TMCO4: variants seen among roughly 807,000 people sequenced by gnomAD.
The protein encoded by TMCO4 is transmembrane and coiled-coil domain-containing protein 4.
A neutral mutation model predicts 64.7 loss-of-function variants in TMCO4; 58 were observed. The observed-to-expected ratio is 0.90, with a 90% CI of 0.73 to 1.12. The LOEUF (loss-of-function observed/expected upper bound fraction) is 1.12. Among genes scored for constraint, TMCO4 ranks in the 50% most tolerant of loss-of-function variants. The probability of loss-of-function intolerance (pLI) is 0.00; values close to 1 mark genes in which losing one functional copy is unlikely to be tolerated. For missense variants in TMCO4, 780 were observed against 825.9 expected (o/e 0.94, Z 0.68); for synonymous variants, 325 against 346.1 (o/e 0.94, Z 0.68).
At chr1:19,708,565 C>T (rs1397567103) in intron 13 of TMCO4, among the ~76,000 whole-genome samples, 1 of 152,122 alleles carries the variant, frequency 6.6e-6, no homozygotes, top group Non-Finnish European at 1.5e-5. Context: ...TCCAAAGGGC[C>T]CCACAGAGAA....
chr1:19,737,251 A>T, intron 13 of TMCO4, 121 bp downstream of exon 13: 1 of 995,728 alleles, frequency 1.0e-6, no homozygotes, highest in Non-Finnish European at 1.5e-6. Flanking sequence ...TTTAACTTTT[A>T]ACTATTATTT....
At chr1:19,685,275 C>CA (rs1220840792) in intron 15 of TMCO4, among the ~76,000 whole-genome samples, 1 of 152,122 alleles carries the variant, frequency 6.6e-6, no homozygotes, top group Non-Finnish European at 1.5e-5. Context: ...GCAGTGAGCC[C>CA]TGATTGTGCC....
intron 6 of TMCO4, 100 bp downstream of exon 6, chr1:19,770,442 C>T (rs912741761): frequency 4.4e-5 from 61 of 1,381,818 alleles, no homozygotes; most frequent in Non-Finnish European, 6.0e-5. Flanking sequence ...CAAAAGACCA[C>T]GGGGGACCCG....
At chr1:19,711,639 C>G (rs928834196) in intron 13 of TMCO4, among the ~76,000 whole-genome samples, 1 of 151,910 alleles carries the variant, frequency 6.6e-6, no homozygotes, top group Non-Finnish European at 1.5e-5. Context: ...CAGACACACA[C>G]CACCATGCTG....
intron 13 of TMCO4, among the ~76,000 whole-genome samples, chr1:19,727,121 G>A (rs538119089): frequency 1.6e-4 from 25 of 152,216 alleles, no homozygotes; most frequent in Non-Finnish European, 3.5e-4. Context: ...GAGGAGCAGA[G>A]GAGGCTGGGA....
chr1:19,721,178 AG>A (rs1468654449), intron 13 of TMCO4, among the ~76,000 whole-genome samples: 1 of 152,028 alleles, frequency 6.6e-6, no homozygotes, highest in Admixed American at 6.5e-5. Context: ...GAGGCCTGGG[AG>A]GGAAGGAAAC....
chr1:19,792,007 C>T (rs77309602), intron 2 of TMCO4, among the ~76,000 whole-genome samples: 4,563 of 152,278 alleles, frequency 0.03, 227 homozygotes, highest in African/African-American at 0.1. Flanking sequence ...GATCTGATGA[C>T]TTTTCGCTCG....
chr1:19,745,818 C>T (rs572175261), intron 9 of TMCO4, among the ~76,000 whole-genome samples, 167 bp from the exon 10 acceptor site: 1 of 152,286 alleles, frequency 6.6e-6, no homozygotes, highest in South Asian at 2.1e-4. Context: ...CCACTATTGT[C>T]CCTGATTACA....
intron 13 of TMCO4, among the ~76,000 whole-genome samples, chr1:19,726,611 T>C (rs1159310581): frequency 6.6e-6 from 1 of 152,212 alleles, no homozygotes; most frequent in Non-Finnish European, 1.5e-5. Context: ...CAGAGGATTA[T>C]TGCAAGGATT....
chr1:19,795,459 CAA>C (rs2044262103), intron 2 of TMCO4, among the ~76,000 whole-genome samples: 2 of 151,616 alleles, frequency 1.3e-5, no homozygotes, highest in Non-Finnish European at 2.9e-5. Context: ...GTGACAAGAG[CAA>C]AACTCTGTCT....
intron 2 of TMCO4, among the ~76,000 whole-genome samples, chr1:19,796,376 G>T (rs568352054): frequency 6.6e-6 from 1 of 152,054 alleles, no homozygotes; most frequent in Non-Finnish European, 1.5e-5. Context: ...CAAAGACTTC[G>T]TCTGGGCCCC....
intron 13 of TMCO4, among the ~76,000 whole-genome samples, chr1:19,723,044 C>T (rs1479002095): frequency 8.5e-5 from 13 of 152,186 alleles, no homozygotes; most frequent in Admixed American, 8.5e-4. Flanking sequence ...GCAGGCTCTC[C>T]TCCCTCCTCT....
At chr1:19,728,558 C>T (rs541835623) in intron 13 of TMCO4, among the ~76,000 whole-genome samples, 19 of 152,374 alleles carry the variant, frequency 1.2e-4, no homozygotes, top group African/African-American at 3.8e-4. Flanking sequence ...CAATTGCTGT[C>T]AAGGAGCCCA....
At chr1:19,788,955 G>C (rs1380576518) in intron 2 of TMCO4, among the ~76,000 whole-genome samples, 1 of 151,886 alleles carries the variant, frequency 6.6e-6, no homozygotes, top group Non-Finnish European at 1.5e-5. Flanking sequence ...CGCGCCTGTA[G>C]TCCCAGCTAC....
rs148538488 is a variant in TMCO4 at position 19,687,170 on chromosome 1, T to C, written c.1501-3726A>G. ...TTTCACCATGTTGGCCGGGCTGGTC[T>C]CGGACTCCCAACCTCAGGTGATCCG... is the stretch of plus-strand genomic sequence containing the variant. On this transcript the variant is annotated intron_variant, in intron 15 of 15. Transcript: ENST00000294543. 6.8e-3 allele frequency among the ~76,000 whole-genome samples: 1,035 copies of C among 152,284 alleles called. 11 individuals carry two copies. Among genetic ancestry groups the C allele is most frequent in the African/African-American group, 0.024 (984 of 41,552 alleles).
chr1:19,689,928 C>T (rs1184236451), intron 15 of TMCO4, among the ~76,000 whole-genome samples: 2 of 152,220 alleles, frequency 1.3e-5, no homozygotes, highest in African/African-American at 2.4e-5. Flanking sequence ...TGAAACCCCA[C>T]CTTCAAGCCA....
intron 13 of TMCO4, among the ~76,000 whole-genome samples, chr1:19,735,273 C>T (rs1277555899): frequency 6.6e-5 from 10 of 152,182 alleles, no homozygotes; most frequent in Non-Finnish European, 1.3e-4. Context: ...TGTCATCCCC[C>T]CATGATCCTT....
intron 3 of TMCO4, among the ~76,000 whole-genome samples, chr1:19,785,230 AAAGT>A (rs1244584728): frequency 6.6e-6 from 1 of 152,198 alleles, no homozygotes; most frequent in Non-Finnish European, 1.5e-5. Context: ...GGTTGGTGCA[AAAGT>A]AACTGTGGTT....
chr1:19,758,580 G>A (rs1024008101), intron 6 of TMCO4, among the ~76,000 whole-genome samples: 2 of 152,168 alleles, frequency 1.3e-5, no homozygotes, highest in African/African-American at 4.8e-5. Flanking sequence ...TTGTGTATAG[G>A]TCATTTCAAG....
Sources: gnomAD v4.1 joint callset for allele counts (sites outside exome capture counted in the v4.1 genomes callset) on GRCh38, gnomAD v4.1.1 for gene constraint, MANE v1.5 for transcripts, NCBI Gene and HGNC (gene_info 2026-07-23, HGNC 2026-07-21) for gene names.